The following ANGPT1 variants were observed in gnomAD, a reference collection of about 807,000 sequenced individuals.
ANGPT1 encodes angiopoietin-1.
Under a neutral mutation model 62.2 loss-of-function variants are expected in ANGPT1, and 17 were observed. That is an observed-to-expected ratio of 0.27 (90% CI 0.19 to 0.41). ANGPT1 has a LOEUF of 0.41. ANGPT1 is among the 10% of genes least tolerant of loss of function. The probability of loss-of-function intolerance (pLI) is 1.00; values close to 1 mark genes in which losing one functional copy is unlikely to be tolerated. For missense variants in ANGPT1, 478 were observed against 594.9 expected, an observed-to-expected ratio of 0.80 and a Z score of 2.04; for synonymous variants, 199 against 198.9, an observed-to-expected ratio of 1.00 and a Z score of 0.00.
chr8:107,310,966 TATGA>T (rs1401981288), intron 4 of ANGPT1, among the ~76,000 whole-genome samples: 1 of 112,442 alleles, frequency 8.9e-6, no homozygotes, highest in African/African-American at 3.8e-5. Context: ...TGTGTGTGTG[TATGA>T]GTGTGTATGT....
chr8:107,291,900 G>C (rs867284926), intron 6 of ANGPT1, among the ~76,000 whole-genome samples: 3 of 143,988 alleles, frequency 2.1e-5, no homozygotes, highest in Non-Finnish European at 4.6e-5. Flanking sequence ...ATGGGGGGGG[G>C]GGGGGGCTTG....
At chr8:107,398,007 C>T (rs1816968626) in intron 1 of ANGPT1, among the ~76,000 whole-genome samples, 1 of 152,138 alleles carries the variant, frequency 6.6e-6, no homozygotes, top group African/African-American at 2.4e-5. Context: ...TGAATCTTTG[C>T]CCTGTATCAT....
intron 4 of ANGPT1, among the ~76,000 whole-genome samples, chr8:107,311,931 G>A (rs1395770492): frequency 2.0e-5 from 3 of 152,062 alleles, no homozygotes; most frequent in Admixed American, 2.0e-4. Flanking sequence ...GGGCGTGGTG[G>A]CGGGCGCCTG....
intron 1 of ANGPT1, among the ~76,000 whole-genome samples, chr8:107,457,433 A>G (rs780377447): frequency 9.9e-5 from 15 of 152,088 alleles, no homozygotes; most frequent in Non-Finnish European, 1.5e-4. Flanking sequence ...ATTAAACATC[A>G]GTGGAATAAA....
chr8:107,315,978 G>A (rs1303645081), intron 4 of ANGPT1, among the ~76,000 whole-genome samples: 2 of 152,068 alleles, frequency 1.3e-5, no homozygotes, highest in East Asian at 3.9e-4. Context: ...CTGTCCCACA[G>A]GCAACTCAGT....
intron 3 of ANGPT1, among the ~76,000 whole-genome samples, chr8:107,323,449 C>A (rs896085315): frequency 2.6e-4 from 39 of 152,124 alleles, no homozygotes; most frequent in African/African-American, 8.9e-4. Flanking sequence ...AGATTCAATA[C>A]TTAAATTATA....
chr8:107,422,228 T>C (rs1276213676), intron 1 of ANGPT1, among the ~76,000 whole-genome samples: 1 of 152,200 alleles, frequency 6.6e-6, no homozygotes, highest in Non-Finnish European at 1.5e-5. Context: ...TATTATGCAG[T>C]TACATGGCAA....
At chr8:107,263,354 CAAAAAAAAAAAAA>C (rs36190408) in intron 8 of ANGPT1, among the ~76,000 whole-genome samples, 1 of 91,270 alleles carries the variant, frequency 1.1e-5, no homozygotes, top group Admixed American at 1.3e-4. Context: ...AACTCAGTTT[CAAAAAAAAAAAAA>C]AAAAAAAAAA....
intron 7 of ANGPT1, among the ~76,000 whole-genome samples, chr8:107,266,456 T>C (rs1813616198): frequency 6.6e-6 from 1 of 152,152 alleles, no homozygotes; most frequent in African/African-American, 2.4e-5. Flanking sequence ...GAAAGCCAAA[T>C]TATAATCAGA....
intron 1 of ANGPT1, among the ~76,000 whole-genome samples, chr8:107,437,163 A>G (rs189186644): frequency 6.6e-6 from 1 of 152,316 alleles, no homozygotes; most frequent in East Asian, 1.9e-4. Flanking sequence ...TTAAATAAAT[A>G]CATATTTTTG....
At chr8:107,416,075 C>T (rs567240972) in intron 1 of ANGPT1, among the ~76,000 whole-genome samples, 1 of 152,252 alleles carries the variant, frequency 6.6e-6, no homozygotes, top group Admixed American at 6.5e-5. Context: ...ACATTTTCCC[C>T]CATATACCAA....
At chr8:107,336,328 TA>T in intron 2 of ANGPT1, 57 bp from the exon 3 acceptor site, 1 of 1,538,374 alleles carries the variant, frequency 6.5e-7, no homozygotes, top group Admixed American at 2.3e-5. Flanking sequence ...AGAACTTTTT[TA>T]AGTTTTATTT....
chr8:107,427,977 A>C (rs1481416473), intron 1 of ANGPT1, among the ~76,000 whole-genome samples: 1 of 152,198 alleles, frequency 6.6e-6, no homozygotes, highest in African/African-American at 2.4e-5. Flanking sequence ...TGGTGAGTAG[A>C]TCAAGGCAAA....
intron 1 of ANGPT1, among the ~76,000 whole-genome samples, chr8:107,423,837 T>C (rs1810963760): frequency 7.9e-6 from 1 of 125,832 alleles, no homozygotes; most frequent in African/African-American, 3.1e-5. Context: ...CTTTTTTTTT[T>C]TTTTTTTTTT....
intron 4 of ANGPT1, among the ~76,000 whole-genome samples, chr8:107,306,695 AT>A (rs1208990570): frequency 6.6e-6 from 1 of 152,018 alleles, no homozygotes; most frequent in African/African-American, 2.4e-5. Context: ...CTTCAGTTAG[AT>A]AGAAGATAGA....
At position 107,497,489 on chromosome 8, in the gene ANGPT1, G is replaced by A. The variant is rs752926000; in HGVS notation, c.70C>T (p.Arg24Ter). Residue 24 changes from arginine to a stop codon, truncating the protein, a stop_gained, in exon 1 of 9, where the codon CGA (arginine) becomes TGA (stop). Transcript: ENST00000517746. LOFTEE classifies it high-confidence loss of function. Reference protein sequence around the residue: ...LTHIGCSNQRRSPENSGRRYN... With the variant: ...LTHIGCSNQR ...CTTCTCCCACTGTTTTCTGGACTTC[G>A]GCGCTGATTGCTGCACCCTATGTGA... 1.2e-6 allele frequency: 2 copies of A among 1,614,008 alleles called. No homozygotes were observed. The highest frequency in any genetic ancestry group is 1.1e-5 in the South Asian group (1 of 91,088).
chr8:107,308,846 C>T (rs893313977), intron 4 of ANGPT1, among the ~76,000 whole-genome samples: 4 of 152,160 alleles, frequency 2.6e-5, no homozygotes, highest in Non-Finnish European at 5.9e-5. Flanking sequence ...AGTCAATAAG[C>T]AACCTGAGAC....
chr8:107,276,787 C>T (rs889215541), intron 7 of ANGPT1, among the ~76,000 whole-genome samples: 5 of 152,104 alleles, frequency 3.3e-5, no homozygotes, highest in Admixed American at 1.3e-4. Flanking sequence ...TCTGGATTCC[C>T]GATACAGTGT....
intron 6 of ANGPT1, among the ~76,000 whole-genome samples, chr8:107,286,545 G>T (rs149830410): frequency 3.3e-5 from 5 of 151,750 alleles, no homozygotes; most frequent in Non-Finnish European, 7.4e-5. Context: ...TTTGGCCCTC[G>T]TTTTATTTTT....
Sources: gnomAD v4.1 joint callset for allele counts (sites outside exome capture counted in the v4.1 genomes callset) on GRCh38, gnomAD v4.1.1 for gene constraint, MANE v1.5 for transcripts, NCBI Gene and HGNC (gene_info 2026-07-23, HGNC 2026-07-21) for gene names.